The following ATXN1 variants were observed in gnomAD, a reference collection of about 807,000 sequenced individuals.
ATXN1 encodes ataxin-1.
In ATXN1, 8 loss-of-function variants were observed where a neutral mutation model predicts 56.4. The ratio of observed to expected loss-of-function variants is 0.14; its 90% CI spans 0.08 to 0.26. The LOEUF (loss-of-function observed/expected upper bound fraction) is 0.26. Ranked by LOEUF, ATXN1 falls within the 10% of genes least tolerant of loss-of-function variation. The pLI, the probability that ATXN1 is intolerant of heterozygous loss-of-function variation, is 1.00. For synonymous variants in ATXN1, 514 were observed against 494.6 expected (o/e 1.04, Z -0.52); for missense variants, 987 against 1,106.5 (o/e 0.89, Z 1.53).
At chr6:16,703,367 A>T (rs550297998) in intron 2 of ATXN1, among the ~76,000 whole-genome samples, 6 of 152,272 alleles carry the variant, frequency 3.9e-5, no homozygotes, top group African/African-American at 1.4e-4. Flanking sequence ...GCATTAGGAG[A>T]TATACCTAAT....
chr6:16,598,776 G>A (rs948763458), intron 3 of ATXN1, among the ~76,000 whole-genome samples: 12 of 152,176 alleles, frequency 7.9e-5, no homozygotes, highest in Admixed American at 7.9e-4. Flanking sequence ...TCACAAATGT[G>A]GTGAGGGGAG....
At chr6:16,717,437 C>T (rs1367185112) in intron 2 of ATXN1, among the ~76,000 whole-genome samples, 1 of 152,212 alleles carries the variant, frequency 6.6e-6, no homozygotes, top group African/African-American at 2.4e-5. Context: ...CGATTCCCTG[C>T]TCACCAAGCA....
At chr6:16,308,847 T>G (rs1401718622) in intron 7 of ATXN1, among the ~76,000 whole-genome samples, 1 of 152,154 alleles carries the variant, frequency 6.6e-6, no homozygotes, top group Non-Finnish European at 1.5e-5. Flanking sequence ...GTCATACATA[T>G]AGACTTTACA....
chr6:16,575,546 T>C (rs1412487998), intron 4 of ATXN1, among the ~76,000 whole-genome samples: 2 of 152,242 alleles, frequency 1.3e-5, no homozygotes, highest in African/African-American at 4.8e-5. Context: ...CCACATTGTG[T>C]CCTGTGTTAC....
At chr6:16,553,989 G>A (rs1761966976) in intron 4 of ATXN1, among the ~76,000 whole-genome samples, 1 of 152,182 alleles carries the variant, frequency 6.6e-6, no homozygotes, top group African/African-American at 2.4e-5. Flanking sequence ...CATCTTTGAA[G>A]GACAGGGCAG....
In ATXN1 at chr6:16,619,234, A is replaced by T. The variant is rs545096048; in HGVS notation, c.-488-33327T>A. Among the ~76,000 whole-genome samples, 5 of 152,276 alleles carry T rather than the reference A, an allele frequency of 3.3e-5. No homozygotes were observed. The East Asian group carries it at 7.7e-4, about 23-fold the overall frequency. ...GAAGAGTAATTTAATAACACATATC[A>T]AAAGCCTTATAAAGGGCCTTACTAT... On this transcript the variant is annotated intron_variant, in intron 3 of 7. Transcript: ENST00000436367.
chr6:16,586,377 G>C (rs748971832), intron 3 of ATXN1, among the ~76,000 whole-genome samples: 1 of 152,018 alleles, frequency 6.6e-6, no homozygotes, highest in Non-Finnish European at 1.5e-5. Context: ...TTACCATTCC[G>C]GCCTCACTTT....
At chr6:16,652,431 T>C (rs1026175383) in intron 3 of ATXN1, among the ~76,000 whole-genome samples, 5 of 152,204 alleles carry the variant, frequency 3.3e-5, no homozygotes, top group Non-Finnish European at 7.3e-5. Context: ...TTTAGAATCA[T>C]TTTTTTCTGT....
rs185790093 is a variant in ATXN1 at position 16,504,887 on chromosome 6, G to A, written c.-299+17740C>T. 4.2e-4 allele frequency among the ~76,000 whole-genome samples: 64 copies of A among 152,238 alleles called. No homozygotes were observed. The Middle Eastern group carries it at 0.01, about 24-fold the overall frequency. ...TACGAGGCTCAGGAGTCCTCCTGGG[G>A]GAAAGAGCTGCAACACCTGCTATTC... On this transcript the variant is annotated intron_variant, in intron 5 of 7. Coordinates refer to ENST00000436367, the MANE Select transcript of ATXN1 (RefSeq NM_001128164.2).
At chr6:16,427,167 A>G (rs1035836234) in intron 6 of ATXN1, among the ~76,000 whole-genome samples, 1 of 152,114 alleles carries the variant, frequency 6.6e-6, no homozygotes, top group South Asian at 2.1e-4. Flanking sequence ...CAAGCATTCG[A>G]ATTGTTCTTT....
At chr6:16,712,122 A>T (rs575485698) in intron 2 of ATXN1, among the ~76,000 whole-genome samples, 5 of 152,292 alleles carry the variant, frequency 3.3e-5, no homozygotes, top group African/African-American at 1.2e-4. Context: ...CCATATCTTG[A>T]TTAGGATGCT....
chr6:16,755,113 G>A (rs1193253423), intron 1 of ATXN1, among the ~76,000 whole-genome samples: 1 of 152,218 alleles, frequency 6.6e-6, no homozygotes, highest in Non-Finnish European at 1.5e-5. Context: ...AGGTTTTATA[G>A]AGTCCAAGTT....
chr6:16,656,643 G>A (rs1758208081), intron 3 of ATXN1, among the ~76,000 whole-genome samples: 1 of 152,138 alleles, frequency 6.6e-6, no homozygotes, highest in Admixed American at 6.5e-5. Context: ...AAGTTACTCA[G>A]TAAATGTTTG....
intron 3 of ATXN1, among the ~76,000 whole-genome samples, chr6:16,648,749 A>G (rs1435230103): frequency 6.6e-6 from 1 of 152,242 alleles, no homozygotes; most frequent in East Asian, 1.9e-4. Flanking sequence ...TCAGTGGTCA[A>G]TCAATAAATG....
At chr6:16,684,034 A>G (rs1384874170) in intron 2 of ATXN1, among the ~76,000 whole-genome samples, 1 of 152,162 alleles carries the variant, frequency 6.6e-6, no homozygotes, top group Non-Finnish European at 1.5e-5. Context: ...TCAGAGGCAG[A>G]CCATGGGGCC....
intron 7 of ATXN1, among the ~76,000 whole-genome samples, chr6:16,314,200 G>GTT (rs72546604): frequency 2.6e-5 from 4 of 152,016 alleles, no homozygotes; most frequent in African/African-American, 7.3e-5. Flanking sequence ...GTAAAATAAG[G>GTT]TTTTTTTCCC....
chr6:16,638,281 C>CAA (rs3216218), intron 3 of ATXN1, among the ~76,000 whole-genome samples: 1 of 150,976 alleles, frequency 6.6e-6, no homozygotes, highest in South Asian at 2.1e-4. Flanking sequence ...CCCATCTCTA[C>CAA]AAAAAAATAC....
intron 4 of ATXN1, among the ~76,000 whole-genome samples, chr6:16,564,780 A>T (rs1762186624): frequency 6.6e-6 from 1 of 152,146 alleles, no homozygotes; most frequent in Non-Finnish European, 1.5e-5. Flanking sequence ...AATGTTCTAA[A>T]ATTTATTGTG....
chr6:16,584,646 C>G (rs1762592005), intron 4 of ATXN1, among the ~76,000 whole-genome samples: 2 of 149,152 alleles, frequency 1.3e-5, no homozygotes, highest in South Asian at 4.2e-4. Flanking sequence ...CCCCCCACCC[C>G]CAAAACCCAA....
Sources: gnomAD v4.1 joint callset for allele counts (sites outside exome capture counted in the v4.1 genomes callset) on GRCh38, gnomAD v4.1.1 for gene constraint, MANE v1.5 for transcripts, NCBI Gene and HGNC (gene_info 2026-07-23, HGNC 2026-07-21) for gene names.